Variants in TASOR2 observed in about 807,000 individuals in gnomAD.
TASOR2 encodes the protein transcription activation suppressor family member 2.
Under a neutral mutation model 199.5 loss-of-function variants are expected in TASOR2, and 84 were observed. The ratio of observed to expected loss-of-function variants is 0.42; its 90% CI spans 0.35 to 0.50. The LOEUF (loss-of-function observed/expected upper bound fraction) is 0.50, where lower values mean the gene tolerates loss of function less well. Among genes scored for constraint, TASOR2 ranks in the 20% least tolerant of loss-of-function variants. The pLI, the probability that TASOR2 is intolerant of heterozygous loss-of-function variation, is 0.02. For synonymous variants in TASOR2, 1,103 were observed against 1,046.6 expected, an observed-to-expected ratio of 1.05 and a Z score of -1.04; for missense variants, 2,796 against 2,835.9, an observed-to-expected ratio of 0.99 and a Z score of 0.32.
chr10:5,753,149 G>A (rs192850623), intron 15 of TASOR2, among the ~76,000 whole-genome samples: 1 of 152,106 alleles, frequency 6.6e-6, no homozygotes, highest in African/African-American at 2.4e-5. Context: ...ATATCTTAGC[G>A]GATGGAGAAG....
chr10:5,696,824 A>G (rs893106615), intron 1 of TASOR2, among the ~76,000 whole-genome samples: 2 of 152,230 alleles, frequency 1.3e-5, no homozygotes, highest in African/African-American at 4.8e-5. Flanking sequence ...TAAAACTAGT[A>G]TCTTTAAAGA....
chr10:5,696,232 G>C (rs1355356056), intron 1 of TASOR2, among the ~76,000 whole-genome samples: 1 of 152,158 alleles, frequency 6.6e-6, no homozygotes, highest in Non-Finnish European at 1.5e-5. Flanking sequence ...ACCAGCCCAT[G>C]GCACAGTATT....
rs1039047992 is a variant in TASOR2, at chr10:5,685,207, A to G, written c.-288+32A>G. The G allele has an allele frequency of 7.6e-6, 3 of 397,282 alleles. No individual in the cohort carries two copies. Among genetic ancestry groups the G allele is most frequent in the African/African-American group, 4.1e-5 (2 of 48,504 alleles). 24.6% of individuals were successfully genotyped at this position (397,282 alleles called of 1,614,324 possible). ...CCCTCCTCGGCCTGGGCGCCCGGGAACCCTGCGAGGAGGACGGCGGGTCCC... is the reference window on the plus strand; with the variant it reads ...CCCTCCTCGGCCTGGGCGCCCGGGAGCCCTGCGAGGAGGACGGCGGGTCCC... On this transcript the variant is annotated intron_variant, in intron 1 of 20. Coordinates refer to ENST00000328090, the Ensembl canonical transcript of TASOR2. This position sits in a 1 kb window ranked among gnomAD's most constrained non-coding sequence, Gnocchi z 5.4.
chr10:5,694,231 A>G (rs1384519800), intron 1 of TASOR2, among the ~76,000 whole-genome samples: 1 of 152,204 alleles, frequency 6.6e-6, no homozygotes, highest in Non-Finnish European at 1.5e-5. Context: ...AGGTATAGGA[A>G]ATTGGCAGGG....
rs532020455 is a variant in TASOR2 at position 5,719,185 on chromosome 10, A to G, written c.-99-1359A>G. ...TTTAAAAAGTAACTATATTCTTCTT[A>G]TAAAAATTAAAATTGCCTATAGTCC... On this transcript the variant is annotated intron_variant, in intron 3 of 20. Transcript: ENST00000328090. This position sits in a 1 kb window ranked among gnomAD's most constrained non-coding sequence, Gnocchi z 4.1. Among the ~76,000 whole-genome samples the G allele has an allele frequency of 1.3e-5, 2 of 148,210 alleles. No individual in the cohort carries two copies. Among genetic ancestry groups the G allele is most frequent in the South Asian group, 4.3e-4 (2 of 4,604 alleles).
chr10:5,733,520 G>C (rs941636325), intron 11 of TASOR2, among the ~76,000 whole-genome samples: 1 of 152,122 alleles, frequency 6.6e-6, no homozygotes, highest in Non-Finnish European at 1.5e-5. Context: ...AAGAATTCTA[G>C]TTGTGACACA....
At position 5,737,268 on chromosome 10, in the gene TASOR2, G is replaced by T. The variant is rs1008013080; in HGVS notation, c.1447+1722G>T. 2.9e-4 allele frequency among the ~76,000 whole-genome samples: 44 copies of T among 151,362 alleles called. No individual in the cohort carries two copies. Among genetic ancestry groups the T allele is most frequent in the Admixed American group, 1.0e-3 (16 of 15,244 alleles). On this transcript the variant is annotated intron_variant, in intron 12 of 20. Coordinates refer to ENST00000328090, the Ensembl canonical transcript of TASOR2. The surrounding 1 kb of genome is among the most constrained non-coding windows in gnomAD (Gnocchi z 4.9). ...GGTGTGAGCCACCACGCCCAGCCAG[G>T]TTTGTTTTTTTTAGTTTTTTTGTTT... is the stretch of plus-strand genomic sequence containing the variant.
intron 10 of TASOR2, among the ~76,000 whole-genome samples, chr10:5,728,913 T>C (rs1446665440): frequency 6.6e-6 from 1 of 151,052 alleles, no homozygotes; most frequent in Non-Finnish European, 1.5e-5. Flanking sequence ...AATTTCATTT[T>C]ATTTTATTTT....
At chr10:5,756,693 A>G in exon 16 of TASOR2, 13 of 1,613,492 alleles carry the variant, frequency 8.1e-6, no homozygotes, top group Non-Finnish European at 1.1e-5. Flanking sequence ...ATGATACACT[A>G]ATCATCATCA....
chr10:5,711,019 C>T (rs534219602), intron 1 of TASOR2, among the ~76,000 whole-genome samples: 17 of 152,122 alleles, frequency 1.1e-4, no homozygotes, highest in African/African-American at 2.9e-4. Flanking sequence ...TTCAGAATAT[C>T]CCTATTTTTT....
intron 13 of TASOR2, among the ~76,000 whole-genome samples, chr10:5,741,193 A>G (rs1836370390): frequency 6.6e-6 from 1 of 152,232 alleles, no homozygotes; most frequent in African/African-American, 2.4e-5. Flanking sequence ...ACAAATTTTC[A>G]GGTGATATCA....
At chr10:5,736,342 T>TG (rs889612692) in intron 12 of TASOR2, among the ~76,000 whole-genome samples, 1 of 151,642 alleles carries the variant, frequency 6.6e-6, no homozygotes, top group African/African-American at 2.4e-5. Context: ...CGCTTGAACC[T>TG]GGGGGGCAGA....
At position 5,752,727 on chromosome 10, in the gene TASOR2, C is replaced by T. The variant is rs1482322205; in HGVS notation, c.6606+2700C>T. On this transcript the variant is annotated intron_variant, in intron 15 of 20. Transcript: ENST00000328090. This position sits in a 1 kb window ranked among gnomAD's most constrained non-coding sequence, Gnocchi z 4.4. The stretch of plus-strand genomic sequence containing the variant: ...CTGCATAAAGATTTCTTGGTCTGCC[C>T]TGCTCTTCTCATATGGAGGTGTGTA... Among the ~76,000 whole-genome samples, 1 of 152,232 alleles carries T rather than the reference C, an allele frequency of 6.6e-6. No homozygotes were observed. The highest frequency in any genetic ancestry group is 1.5e-5 in the Non-Finnish European group (1 of 68,042).
At chr10:5,723,568 C>T in intron 6 of TASOR2, 109 bp from the exon 8 acceptor site, 2 of 588,316 alleles carry the variant, frequency 3.4e-6, no homozygotes, top group East Asian at 2.9e-5. Flanking sequence ...AACTTAAGGT[C>T]TTTTTTGTGG....
Position 5,748,666 on chromosome 10 carries a change from G to C in TASOR2, c.5245G>C (p.Val1749Leu). 6.2e-7 allele frequency: 1 copy of C among 1,614,224 alleles called. No homozygotes were observed. Among genetic ancestry groups the C allele is most frequent in the Non-Finnish European group, 8.5e-7 (1 of 1,180,046 alleles). ...AACAAAGGAGCTATTGAATGTCGGG[G>C]TTTCCTCCCTTTGTGCTGGTCCCTA... is the stretch of plus-strand genomic sequence containing the variant. Residue 1749 changes from valine to leucine, a missense_variant, in exon 15 of 21, where the codon GTT becomes CTT. Physicochemically the swap from Val to Leu is conservative, Grantham distance 32. Transcript: ENST00000328090. This position sits in a 1 kb window ranked among gnomAD's most constrained non-coding sequence, Gnocchi z 5.1.
chr10:5,734,720 T>A (rs1051673379), intron 11 of TASOR2, among the ~76,000 whole-genome samples: 47 of 22,032 alleles, frequency 2.1e-3, no homozygotes, highest in Non-Finnish European at 5.8e-3. Context: ...ATGAAGATTT[T>A]TTTTTTTTTT....
chr10:5,756,880 T>TA (rs1839037173), intron 16 of TASOR2, 142 bp downstream of exon 17: 1 of 770,966 alleles, frequency 1.3e-6, no homozygotes, highest in African/African-American at 1.8e-5. Context: ...GATGGTGTAT[T>TA]ATAGAATACT....
At chr10:5,757,640 T>C in exon 17 of TASOR2, 1 of 1,613,916 alleles carries the variant, frequency 6.2e-7, no homozygotes, top group Non-Finnish European at 8.5e-7. Context: ...CTTTGTGATA[T>C]CAGATGACAA....
intron 8 of TASOR2, 132 bp from the exon 10 acceptor site, chr10:5,726,753 T>C (rs1834102187): frequency 4.2e-6 from 3 of 712,528 alleles, no homozygotes; most frequent in Non-Finnish European, 7.1e-6. Flanking sequence ...GGGACAGAAT[T>C]ACCCTGATTC....
Sources: allele counts gnomAD v4.1 joint callset (sites outside exome capture counted in the v4.1 genomes callset), GRCh38; gene constraint gnomAD v4.1.1; non-coding constraint Gnocchi (gnomAD v3.1); transcripts MANE v1.5; gene names NCBI Gene and HGNC (gene_info 2026-07-23, HGNC 2026-07-21).